FAT1: variants seen among roughly 807,000 people sequenced by gnomAD.
FAT1 encodes protocadherin Fat 1.
In FAT1, 171 loss-of-function variants were observed where a neutral mutation model predicts 329.8. That is an observed-to-expected ratio of 0.52 (90% CI 0.46 to 0.59). The LOEUF (loss-of-function observed/expected upper bound fraction) is 0.59, where lower values mean the gene tolerates loss of function less well. Ranked by LOEUF, FAT1 falls within the 20% of genes least tolerant of loss-of-function variation. The pLI is 0.00. For missense variants in FAT1, 5,672 were observed against 5,774.4 expected, an observed-to-expected ratio of 0.98 and a Z score of 0.57; for synonymous variants, 2,233 against 2,228.6, an observed-to-expected ratio of 1.00 and a Z score of -0.06.
chr4:186,613,370 TGTAATTTA>T (rs778776889), intron 12 of FAT1, 28 bp from the exon 13 acceptor site: 10 of 1,563,676 alleles, frequency 6.4e-6, no homozygotes, highest in Admixed American at 1.7e-5. Context: ...TGGACTCACT[TGTAATTTA>T]AGACGTGACT....
At chr4:186,725,644 A>G (rs1745694486), upstream of FAT1, among the ~76,000 whole-genome samples, 1 of 152,116 alleles carries the variant, frequency 6.6e-6, no homozygotes, top group African/African-American at 2.4e-5. This position sits in a 1 kb window ranked among gnomAD's most constrained non-coding sequence, Gnocchi z 5.4. Flanking sequence ...CTTAAGCGCC[A>G]ACAGAACGAA....
intron 3 of FAT1, among the ~76,000 whole-genome samples, chr4:186,657,890 G>A (rs1479602095): frequency 1.3e-5 from 2 of 152,134 alleles, no homozygotes; most frequent in East Asian, 1.9e-4. Context: ...TCGATTTCCC[G>A]AGGTTGTTCG....
At chr4:186,654,337 T>G (rs1464614406) in intron 3 of FAT1, among the ~76,000 whole-genome samples, 2 of 152,196 alleles carry the variant, frequency 1.3e-5, no homozygotes, top group Non-Finnish European at 2.9e-5. Context: ...ACGAAAGTTC[T>G]GTTCCAGCCC....
chr4:186,642,650 G>A (rs1462569137), intron 3 of FAT1, among the ~76,000 whole-genome samples: 2 of 152,110 alleles, frequency 1.3e-5, no homozygotes, highest in Non-Finnish European at 2.9e-5. Context: ...GCTGCAATGG[G>A]TGGCTACGTG....
At chr4:186,668,145 C>G (rs1453708366) in intron 2 of FAT1, among the ~76,000 whole-genome samples, 1 of 152,130 alleles carries the variant, frequency 6.6e-6, no homozygotes, top group African/African-American at 2.4e-5. Context: ...TGGAAGGAAG[C>G]CTTAAGCGTG....
chr4:186,641,758 G>C (rs1450239396), intron 3 of FAT1, among the ~76,000 whole-genome samples: 1 of 152,190 alleles, frequency 6.6e-6, no homozygotes, highest in Non-Finnish European at 1.5e-5. Flanking sequence ...TGTAATCCCA[G>C]CACTTTGGGA....
rs1235014982 is a variant in FAT1 at position 186,593,773 on chromosome 4, C to T, written c.13138+1916G>A. Among the ~76,000 whole-genome samples the T allele has an allele frequency of 3.9e-5, 6 of 152,102 alleles. No individual in the cohort carries two copies. In the East Asian group the frequency reaches 1.2e-3, roughly 29 times the overall value. ...GAAGGCAATGCAGCCCTACTGATCG[C>T]ATGACTTAAGCCCTGTGAGACACAG... On this transcript the variant is annotated intron_variant, in intron 26 of 26. Coordinates refer to ENST00000441802, the MANE Select transcript of FAT1 (RefSeq NM_005245.4).
rs1413357427 is a variant in FAT1, at chr4:186,707,638, C to G, written c.2190G>C (p.Gln730His). 1.9e-6 allele frequency: 3 copies of G among 1,613,896 alleles called. No homozygotes were observed. Among genetic ancestry groups the G allele is most frequent in the African/African-American group, 2.7e-5 (2 of 74,930 alleles). The change falls in exon 2 of 27, where the codon CAG becomes CAC. Residue 730 changes from glutamine to histidine, a missense_variant. Around this residue, in one of 2 missense-constraint regions of FAT1, gnomAD observed 3,966 missense variants for 3,915.2 expected, o/e 1.01. Coordinates refer to ENST00000441802, the MANE Select transcript of FAT1 (RefSeq NM_005245.4). Reference protein sequence around the residue: ...LPTGIQVKENQPVGSSVIFMN... With the variant: ...LPTGIQVKENHPVGSSVIFMN... ...TGAAAATTACACTGGAACCCACAGG[C>G]TGGTTTTCCTTTACCTGAATACCAG...
chr4:186,676,425 A>G (rs1387258251), intron 2 of FAT1, among the ~76,000 whole-genome samples: 1 of 152,192 alleles, frequency 6.6e-6, no homozygotes, highest in Non-Finnish European at 1.5e-5. Flanking sequence ...AATATTTTTT[A>G]AACCAACGTG....
intron 4 of FAT1, among the ~76,000 whole-genome samples, chr4:186,637,691 C>T (rs907821578): frequency 2.0e-5 from 3 of 152,146 alleles, no homozygotes; most frequent in African/African-American, 4.8e-5. Context: ...TTCACGTTTA[C>T]GTCAATGGGC....
intron 1 of FAT1, among the ~76,000 whole-genome samples, chr4:186,714,946 T>C (rs1425298925): frequency 2.0e-5 from 3 of 151,914 alleles, no homozygotes; most frequent in Admixed American, 2.0e-4. Flanking sequence ...GGTGCGGTGG[T>C]GTGCGCCTGT....
chr4:186,635,921 T>G, intron 6 of FAT1, 104 bp downstream of exon 6: 1 of 973,742 alleles, frequency 1.0e-6, no homozygotes. Flanking sequence ...GTCGATCTTA[T>G]TCCCAATTTT....
chr4:186,717,164 ACT>A (rs144077753), intron 1 of FAT1, among the ~76,000 whole-genome samples: 9 of 152,036 alleles, frequency 5.9e-5, no homozygotes, highest in Admixed American at 3.3e-4. Context: ...GAAAAAAAAA[ACT>A]CTCTATTTTT....
chr4:186,636,124 A>T lies in FAT1; in HGVS notation c.4084T>A (p.Phe1362Ile), dbSNP rs1259959030. The change falls in exon 6 of 27, where the codon TTT (phenylalanine) becomes ATT (isoleucine). Residue 1362 changes from phenylalanine (F) to isoleucine (I), a missense_variant. Physicochemically the swap from Phe to Ile is conservative, Grantham distance 21. Coordinates refer to ENST00000441802, the MANE Select transcript of FAT1 (RefSeq NM_005245.4). ...SLEPISFEES[F>I]FTFTVMESDP... ...CTTTCCATCACAGTAAAGGTAAAAA[A>T]TGATTCTTCAAATGAAATGGGCTCC... 6.2e-7 allele frequency: 1 copy of T among 1,614,024 alleles called. No individual in the cohort carries two copies. The highest frequency in any genetic ancestry group is 1.7e-5 in the Admixed American group (1 of 60,026).
At chr4:186,624,929 T>C (rs561205704) in intron 9 of FAT1, among the ~76,000 whole-genome samples, 1 of 152,350 alleles carries the variant, frequency 6.6e-6, no homozygotes, top group East Asian at 1.9e-4. Flanking sequence ...AAGTAACTGC[T>C]GAGCATAATT....
intron 1 of FAT1, among the ~76,000 whole-genome samples, chr4:186,718,078 G>C (rs573789002): frequency 2.0e-5 from 3 of 152,182 alleles, no homozygotes; most frequent in Non-Finnish European, 2.9e-5. Flanking sequence ...CGTTGAATTG[G>C]GCTCCCTGTA....
chr4:186,612,972 T>C (rs1163143636), intron 13 of FAT1, 137 bp downstream of exon 13: 1 of 598,322 alleles, frequency 1.7e-6, no homozygotes, highest in African/African-American at 1.9e-5. Context: ...TTCTAAAGAT[T>C]TCCTTCCACA....
rs2126528145 is a variant in FAT1, at chr4:186,621,736, C to T, written c.4850G>A (p.Gly1617Asp). Residue 1617 changes from glycine (G) to aspartate (D), a missense_variant, in exon 10 of 27, where the codon GGC becomes GAC. Gly to Asp is a moderately conservative substitution (Grantham distance 94). This residue lies in a region of FAT1 where 3,966 missense variants were observed against 3,915.2 expected (regional missense o/e 1.01). Transcript: ENST00000441802. ...GNSFMIDPVL[G>D]SIKTAKELDR... ...TAATTCTTTGGCAGTTTTAATAGAG[C>T]CCAAGACAGGATCAATCATAAAAGA... 1 of 1,600,728 alleles carries T rather than the reference C, an allele frequency of 6.2e-7. No individual in the cohort carries two copies. The highest frequency in any genetic ancestry group is 8.5e-7 in the Non-Finnish European group (1 of 1,175,096).
At position 186,609,979 on chromosome 4, in the gene FAT1, C is replaced by G. The variant is rs1739327802; in HGVS notation, c.9890G>C (p.Ser3297Thr). The G allele has an allele frequency of 6.2e-7, 1 of 1,613,104 alleles. No homozygotes were observed. Among genetic ancestry groups the G allele is most frequent in the Non-Finnish European group, 8.5e-7 (1 of 1,179,156 alleles). The change falls in exon 15 of 27, where the codon AGC becomes ACC. Residue 3297 changes from serine to threonine, a missense_variant. Coordinates refer to ENST00000441802, the MANE Select transcript of FAT1 (RefSeq NM_005245.4). ...TACTGTTAGGTAATACTCATGAGAG[C>G]TCTCATAATCCAGATTCTCAATGAT... ...VFIIENLDYE[S>T]SHEYYLTVEA...
Sources: allele counts gnomAD v4.1 joint callset (sites outside exome capture counted in the v4.1 genomes callset), GRCh38; gene constraint gnomAD v4.1.1; regional missense constraint gnomAD v4.1.1; non-coding constraint Gnocchi (gnomAD v3.1); transcripts MANE v1.5; gene names NCBI Gene and HGNC (gene_info 2026-07-23, HGNC 2026-07-21).